The following TBC1D22B variants were observed in gnomAD, a reference collection of about 807,000 sequenced individuals.
TBC1D22B encodes chromosome 6 open reading frame 197.
Under a neutral mutation model 69.1 loss-of-function variants are expected in TBC1D22B, and 32 were observed. The observed-to-expected ratio is 0.46, with a 90% confidence interval of 0.35 to 0.62. TBC1D22B has a LOEUF of 0.62. Ranked by LOEUF, TBC1D22B falls within the 20% of genes least tolerant of loss-of-function variation. The probability of loss-of-function intolerance (pLI) is 0.00; values close to 1 mark genes in which losing one functional copy is unlikely to be tolerated. For synonymous variants in TBC1D22B, 206 were observed against 229.8 expected, an observed-to-expected ratio of 0.90 and a Z score of 0.94; for missense variants, 462 against 630.9, an observed-to-expected ratio of 0.73 and a Z score of 2.87.
intron 8 of TBC1D22B, among the ~76,000 whole-genome samples, chr6:37,299,364 T>G (rs1047460211): frequency 2.0e-4 from 30 of 152,238 alleles, no homozygotes; most frequent in Non-Finnish European, 1.2e-4. Context: ...TTGTTAATAC[T>G]CAACCTTTTT....
chr6:37,282,423 C>T, intron 4 of TBC1D22B, 59 bp downstream of exon 4: 3 of 1,503,304 alleles, frequency 2.0e-6, no homozygotes, highest in Non-Finnish European at 2.7e-6. Context: ...TTCTCAGAGA[C>T]CTGGAAGCTA....
chr6:37,310,193 C>A (rs1767860433), intron 8 of TBC1D22B, among the ~76,000 whole-genome samples: 3 of 141,842 alleles, frequency 2.1e-5, no homozygotes, highest in African/African-American at 2.6e-5. Context: ...TGTATACTAC[C>A]ATATATAAGA....
At chr6:37,274,764 G>T (rs551129680) in intron 2 of TBC1D22B, among the ~76,000 whole-genome samples, 34 of 152,288 alleles carry the variant, frequency 2.2e-4, no homozygotes, top group African/African-American at 7.7e-4. Flanking sequence ...AATAATCTTG[G>T]TTAGGGTGGG....
In TBC1D22B at chr6:37,317,175, G is replaced by A. The variant is rs1166231749; in HGVS notation, c.1358G>A (p.Arg453Lys). ...YVCAAFLIKW[R>K]KEILDEEDFQ... is the part of the protein sequence containing the mutation. The stretch of plus-strand genomic sequence containing the variant: ...TGTGCAGCCTTCTTGATCAAGTGGA[G>A]GAAAGAGATCTTGGATGAGGAGGAT... Residue 453 changes from arginine (R) to lysine (K), a missense_variant, in exon 12 of 13, where the codon AGG becomes AAG. By Grantham distance (26) the Arg-to-Lys change is conservative. Coordinates refer to ENST00000373491, the MANE Select transcript of TBC1D22B (RefSeq NM_017772.4). 1 of 1,576,818 alleles carries A rather than the reference G, an allele frequency of 6.3e-7. No homozygotes were observed. Among genetic ancestry groups the A allele is most frequent in the South Asian group, 1.2e-5 (1 of 86,030 alleles).
At chr6:37,300,392 C>G (rs1199113339) in intron 8 of TBC1D22B, among the ~76,000 whole-genome samples, 3 of 152,008 alleles carry the variant, frequency 2.0e-5, no homozygotes, top group African/African-American at 7.2e-5. Context: ...GATGGAATCT[C>G]ACTCTGTTGC....
chr6:37,281,812 A>T (rs931881954), intron 3 of TBC1D22B, among the ~76,000 whole-genome samples: 2 of 152,256 alleles, frequency 1.3e-5, no homozygotes, highest in Non-Finnish European at 2.9e-5. Context: ...AAGTTAGGGT[A>T]GAAAGAAAAC....
At chr6:37,263,428 G>A (rs1468158585) in intron 1 of TBC1D22B, among the ~76,000 whole-genome samples, 4 of 152,210 alleles carry the variant, frequency 2.6e-5, no homozygotes. Flanking sequence ...AAAATACTGT[G>A]TGTTGTTTAT....
chr6:37,269,547 G>A (rs562251250), intron 1 of TBC1D22B, 47 bp from the exon 2 acceptor site: 35 of 1,599,306 alleles, frequency 2.2e-5, no homozygotes, highest in Middle Eastern at 1.7e-4. Context: ...AACATATTTA[G>A]TTTCCTAACT....
chr6:37,283,036 T>C, intron 5 of TBC1D22B, 84 bp downstream of exon 5: 1 of 1,186,868 alleles, frequency 8.4e-7, no homozygotes, highest in Non-Finnish European at 1.2e-6. Flanking sequence ...ACATTGGTCT[T>C]AACTCCATAG....
intron 12 of TBC1D22B, among the ~76,000 whole-genome samples, chr6:37,320,688 G>T (rs1768213892): frequency 6.6e-6 from 1 of 152,212 alleles, no homozygotes; most frequent in Admixed American, 6.5e-5. Context: ...CAGGAAGGGT[G>T]CGTGCTTCTC....
chr6:37,306,697 A>G (rs1330919613), intron 8 of TBC1D22B, among the ~76,000 whole-genome samples: 1 of 152,220 alleles, frequency 6.6e-6, no homozygotes, highest in African/African-American at 2.4e-5. Flanking sequence ...TTGGTTTTTA[A>G]AATTAATTTT....
intron 12 of TBC1D22B, chr6:37,324,435 C>G: frequency 2.2e-6 from 1 of 452,450 alleles, no homozygotes; most frequent in African/African-American, 2.0e-5. Context: ...GTAAGACAAA[C>G]TGGATACTTT....
intron 2 of TBC1D22B, 71 bp from the exon 3 acceptor site, chr6:37,279,233 C>A (rs1766751307): frequency 1.5e-6 from 2 of 1,368,934 alleles, no homozygotes; most frequent in Admixed American, 2.3e-5. Flanking sequence ...ATTAATATTA[C>A]AATAATAAGC....
At chr6:37,287,397 A>G (rs1767038915) in intron 7 of TBC1D22B, among the ~76,000 whole-genome samples, 2 of 152,218 alleles carry the variant, frequency 1.3e-5, no homozygotes, top group Admixed American at 1.3e-4. Context: ...GGTAAAATAT[A>G]CATAATATAA....
At chr6:37,285,803 G>T (rs749430916) in intron 6 of TBC1D22B, among the ~76,000 whole-genome samples, 1 of 152,162 alleles carries the variant, frequency 6.6e-6, no homozygotes, top group South Asian at 2.1e-4. Flanking sequence ...TGTAATTTTA[G>T]TGGAGACGGG....
At position 37,279,508 on chromosome 6, in the gene TBC1D22B, G is replaced by A; in HGVS notation, c.318G>A (p.Lys106=). The A allele has an allele frequency of 6.2e-7, 1 of 1,614,216 alleles. No homozygotes were observed. Among genetic ancestry groups the A allele is most frequent in the African/African-American group, 1.3e-5 (1 of 75,050 alleles). The change falls in exon 3 of 13, where the codon AAG becomes AAA. Residue 106 remains lysine, a synonymous_variant. Transcript: ENST00000373491. ...CCCAAGTTCTAGAAAACCACAGCAA[G>A]CTGAGAGTAAAACCAGAACGGTCCC... is the stretch of plus-strand genomic sequence containing the variant. ...TAAQVLENHS[K]LRVKPERSQS...
At chr6:37,298,940 GAA>G (rs1481208514) in intron 8 of TBC1D22B, among the ~76,000 whole-genome samples, 1 of 152,174 alleles carries the variant, frequency 6.6e-6, no homozygotes, top group African/African-American at 2.4e-5. Context: ...GTATTTCTCT[GAA>G]AGAGTCCTAG....
Position 37,331,067 on chromosome 6 carries a change from C to T in TBC1D22B, c.1413C>T (p.Asn471=). The T allele has an allele frequency of 6.2e-7, 1 of 1,614,160 alleles. No homozygotes were observed. The highest frequency in any genetic ancestry group is 8.5e-7 in the Non-Finnish European group (1 of 1,180,004). ...AGGGTCTCCTCATGCTGCTACAGAACCTACCTACAATACACTGGGGCAACG... is the reference window on the plus strand; with the variant it reads ...AGGGTCTCCTCATGCTGCTACAGAATCTACCTACAATACACTGGGGCAACG... The part of the protein sequence containing the change: ...DFQGLLMLLQ[N]LPTIHWGNEE... Residue 471 remains asparagine (N), a synonymous_variant, in exon 13 of 13, where the codon AAC becomes AAT. Transcript: ENST00000373491.
At chr6:37,319,396 C>A (rs1768174149) in intron 12 of TBC1D22B, among the ~76,000 whole-genome samples, 1 of 152,226 alleles carries the variant, frequency 6.6e-6, no homozygotes. Flanking sequence ...AGAGCTTTGC[C>A]ATATGTGATA....
Sources: gnomAD v4.1 joint callset for allele counts (sites outside exome capture counted in the v4.1 genomes callset) on GRCh38, gnomAD v4.1.1 for gene constraint, MANE v1.5 for transcripts, NCBI Gene and HGNC (gene_info 2026-07-23, HGNC 2026-07-21) for gene names.